Variants in PGGT1B observed in about 807,000 individuals in gnomAD.
PGGT1B encodes geranylgeranyl transferase type-1 subunit beta.
PGGT1B carries 30 observed loss-of-function variants against 46.1 expected under a neutral mutation model. The ratio of observed to expected loss-of-function variants is 0.65; its 90% CI spans 0.49 to 0.88. The LOEUF (loss-of-function observed/expected upper bound fraction) is 0.88, where lower values mean the gene tolerates loss of function less well. Ranked by LOEUF, PGGT1B falls within the 40% of genes least tolerant of loss-of-function variation. The pLI is 0.00. For synonymous variants in PGGT1B, 170 were observed against 160.0 expected (o/e 1.06, Z -0.47); for missense variants, 376 against 455.9 (o/e 0.82, Z 1.60).
intron 2 of PGGT1B, among the ~76,000 whole-genome samples, chr5:115,252,267 T>A (rs1224313774): frequency 6.6e-6 from 1 of 152,048 alleles, no homozygotes; most frequent in East Asian, 1.9e-4. Flanking sequence ...GGCATAGATT[T>A]AAAAAGTTAT....
At chr5:115,241,753 G>A in intron 2 of PGGT1B, 147 bp from the exon 3 acceptor site, 1 of 521,284 alleles carries the variant, frequency 1.9e-6, no homozygotes. Flanking sequence ...CATGTGCCAG[G>A]TCCATTCTAG....
At chr5:115,250,445 A>G (rs977854043) in intron 2 of PGGT1B, among the ~76,000 whole-genome samples, 4 of 152,210 alleles carry the variant, frequency 2.6e-5, no homozygotes, top group African/African-American at 9.7e-5. Context: ...AATAGAAGAC[A>G]CATTCACTTG....
Position 115,205,295 on chromosome 5 carries a change from C to T in PGGT1B, c.*7107G>A, listed in dbSNP as rs1476259877. Reference sequence around the variant, plus strand: ...GATGCAAACATACATGAGTGAGGTCCCATGTACCAATCACCAACTGCTTTA... The same window carrying T: ...GATGCAAACATACATGAGTGAGGTCTCATGTACCAATCACCAACTGCTTTA... On this transcript the variant is annotated 3_prime_UTR_variant, in exon 9 of 9. Transcript: ENST00000419445. The T allele has an allele frequency of 6.6e-6, 1 of 152,070 alleles. No individual in the cohort carries two copies. The highest frequency in any genetic ancestry group is 1.5e-5 in the Non-Finnish European group (1 of 67,998). 9.4% of individuals were successfully genotyped at this position (152,070 alleles called of 1,614,324 possible).
At position 115,212,196 on chromosome 5, in the gene PGGT1B, A is replaced by C. The variant is rs1756253668; in HGVS notation, c.*206T>G. 4 of 837,530 alleles carry C rather than the reference A, an allele frequency of 4.8e-6. No individual in the cohort carries two copies. The highest frequency in any genetic ancestry group is 7.0e-6 in the Non-Finnish European group (4 of 575,486). The allele number at this position is 837,530 out of a possible 1,614,324, so 51.9% of individuals were successfully genotyped here. ...TATAAACATTTAAGAACCACGACAA[A>C]GTTGTGGTTCAAACTTCAACAAAGA... On this transcript the variant is annotated 3_prime_UTR_variant, in exon 9 of 9. Coordinates refer to ENST00000419445, the MANE Select transcript of PGGT1B (RefSeq NM_005023.4).
Position 115,221,928 on chromosome 5 carries a change from T to C in PGGT1B, c.739A>G (p.Arg247Gly), listed in dbSNP as rs958961981. Residue 247 changes from arginine (R) to glycine (G), a missense_variant, in exon 7 of 9, where the codon AGG becomes GGG. Coordinates refer to ENST00000419445, the MANE Select transcript of PGGT1B (RefSeq NM_005023.4). ...CTCATTATACACCACCTCTTTATCC[T>C]GTTCAATTCTTTTTCTGAAAAAACT... Reference protein sequence around the residue: ...EEVFSEKELNRIKRWCIMRQQ... With the variant: ...EEVFSEKELNGIKRWCIMRQQ... 2.5e-6 allele frequency: 4 copies of C among 1,605,878 alleles called. No homozygotes were observed. Among genetic ancestry groups the C allele is most frequent in the Non-Finnish European group, 3.4e-6 (4 of 1,175,826 alleles).
chr5:115,253,294 T>C (rs745835095), intron 1 of PGGT1B, 39 bp from the exon 2 acceptor site: 12 of 1,514,548 alleles, frequency 7.9e-6, no homozygotes, highest in Non-Finnish European at 9.8e-6. Flanking sequence ...TTAACTATCA[T>C]ACCACTTAAG....
At chr5:115,233,431 A>C (rs1757058300) in intron 5 of PGGT1B, among the ~76,000 whole-genome samples, 1 of 151,792 alleles carries the variant, frequency 6.6e-6, no homozygotes, top group Admixed American at 6.6e-5. Context: ...AACATCCAAG[A>C]GAATAAAAAT....
intron 8 of PGGT1B, among the ~76,000 whole-genome samples, chr5:115,213,284 CA>C (rs1756296584): frequency 6.6e-6 from 1 of 152,156 alleles, no homozygotes; most frequent in Non-Finnish European, 1.5e-5. Context: ...TCCCATCTTT[CA>C]GGGGGCAGCG....
intron 7 of PGGT1B, 86 bp downstream of exon 7, chr5:115,221,738 A>T: frequency 2.7e-6 from 2 of 747,118 alleles, no homozygotes; most frequent in Non-Finnish European, 2.1e-6. Flanking sequence ...AACAATATTT[A>T]ATACACATTA....
At chr5:115,241,667 C>A in intron 2 of PGGT1B, 61 bp from the exon 3 acceptor site, 1 of 1,234,382 alleles carries the variant, frequency 8.1e-7, no homozygotes, top group Non-Finnish European at 1.2e-6. Context: ...GATTCTAAAG[C>A]AGTTTAATTA....
chr5:115,224,899 G>A (rs967898780), intron 6 of PGGT1B, among the ~76,000 whole-genome samples: 7 of 150,166 alleles, frequency 4.7e-5, no homozygotes, highest in African/African-American at 2.4e-5. Flanking sequence ...AAAACAGGAA[G>A]AAAAGAAAAG....
At chr5:115,262,511 G>T in intron 1 of PGGT1B, 1 of 596,080 alleles carries the variant, frequency 1.7e-6, no homozygotes, top group Non-Finnish European at 2.9e-6. Flanking sequence ...AGATGCCACA[G>T]CCCTCGACCT....
chr5:115,221,561 T>C (rs974098460), intron 7 of PGGT1B, among the ~76,000 whole-genome samples: 2 of 152,064 alleles, frequency 1.3e-5, no homozygotes, highest in African/African-American at 4.8e-5. Context: ...GTATTTAATA[T>C]GTTCTATGTA....
intron 1 of PGGT1B, among the ~76,000 whole-genome samples, chr5:115,259,801 A>C (rs1182771642): frequency 6.6e-6 from 1 of 151,996 alleles, no homozygotes; most frequent in Non-Finnish European, 1.5e-5. Flanking sequence ...AAATAGAGGG[A>C]CATGAGAATA....
chr5:115,205,544 CTA>C lies in PGGT1B; in HGVS notation c.*6856_*6857del, dbSNP rs1438112896. ...TTTCTGGAGACAGAAAACATGCACT[CTA>C]GTTACAGTACTGCTACTAACTGTTA... On this transcript the variant is annotated 3_prime_UTR_variant, in exon 9 of 9. Coordinates refer to ENST00000419445, the MANE Select transcript of PGGT1B (RefSeq NM_005023.4). 6.6e-6 allele frequency: 1 copy of C among 152,116 alleles called. No homozygotes were observed. The highest frequency in any genetic ancestry group is 1.5e-5 in the Non-Finnish European group (1 of 67,980). 9.4% of individuals were successfully genotyped at this position (152,116 alleles called of 1,614,324 possible).
Position 115,262,622 on chromosome 5 carries a change from T to C in PGGT1B, c.140+90A>G, listed in dbSNP as rs1469920345. On this transcript the variant is annotated intron_variant, in intron 1 of 8. Coordinates refer to ENST00000419445, the MANE Select transcript of PGGT1B (RefSeq NM_005023.4). Reference sequence around the variant, plus strand: ...CAACTGGGCGGCCGCGCAGCCCCCTTCCGGCGCCCAGTTTGCGGTCCGACT... The same window carrying C: ...CAACTGGGCGGCCGCGCAGCCCCCTCCCGGCGCCCAGTTTGCGGTCCGACT... 3.5e-6 allele frequency: 5 copies of C among 1,443,524 alleles called. No homozygotes were observed. The African/African-American group carries it at 4.2e-5, about 12-fold the overall frequency. 89.4% of individuals were successfully genotyped at this position (1,443,524 alleles called of 1,614,324 possible). A position where few individuals can be genotyped will look rare whatever the true frequency, so the allele number is the denominator to read the frequency against.
At chr5:115,260,129 G>A (rs148000908) in intron 1 of PGGT1B, among the ~76,000 whole-genome samples, 8 of 152,198 alleles carry the variant, frequency 5.3e-5, no homozygotes, top group East Asian at 1.9e-4. Flanking sequence ...TGATGAAACC[G>A]CAGACAATAC....
intron 5 of PGGT1B, among the ~76,000 whole-genome samples, chr5:115,232,167 A>T (rs1369122311): frequency 6.6e-6 from 1 of 152,108 alleles, no homozygotes; most frequent in Non-Finnish European, 1.5e-5. Flanking sequence ...AATTAGAGTT[A>T]TAGAAGAAAC....
intron 1 of PGGT1B, among the ~76,000 whole-genome samples, chr5:115,254,138 G>A (rs374725288): frequency 6.6e-6 from 1 of 151,982 alleles, no homozygotes; most frequent in East Asian, 1.9e-4. Flanking sequence ...AAGATTCTAA[G>A]AAATAGTTAA....
Sources: allele counts gnomAD v4.1 joint callset (sites outside exome capture counted in the v4.1 genomes callset), GRCh38; gene constraint gnomAD v4.1.1; transcripts MANE v1.5; gene names NCBI Gene and HGNC (gene_info 2026-07-23, HGNC 2026-07-21).